The following MYL3 variants were observed in gnomAD, a reference collection of about 807,000 sequenced individuals.
The protein encoded by MYL3 is myosin light chain 3.
MYL3 carries 11 observed loss-of-function variants against 21.3 expected under a neutral mutation model. The ratio of observed to expected loss-of-function variants is 0.52; its 90% CI spans 0.32 to 0.85. The LOEUF is 0.85. MYL3 is among the 40% of genes least tolerant of loss of function. MYL3 has a pLI of 0.03. For missense variants in MYL3, 206 were observed against 253.3 expected, an observed-to-expected ratio of 0.81 and a Z score of 1.27; for synonymous variants, 88 against 91.6, an observed-to-expected ratio of 0.96 and a Z score of 0.22.
chr3:46,858,321 A>G, intron 5 of MYL3, 49 bp from the exon 6 acceptor site: 3 of 1,614,106 alleles, frequency 1.9e-6, no homozygotes, highest in Non-Finnish European at 1.7e-6. Context: ...TGGGGAAGCC[A>G]TGGCTGGGAG....
chr3:46,870,965 G>A (rs1308553289), intron 1 of MYL3, among the ~76,000 whole-genome samples: 2 of 152,190 alleles, frequency 1.3e-5, no homozygotes, highest in African/African-American at 4.8e-5. Context: ...ATATCCTCAT[G>A]CTTCATAGAA....
upstream of MYL3, among the ~76,000 whole-genome samples, chr3:46,864,287 G>C (rs1205011758): frequency 6.6e-6 from 1 of 152,020 alleles, no homozygotes; most frequent in African/African-American, 2.4e-5. This position sits in a 1 kb window ranked among gnomAD's most constrained non-coding sequence, Gnocchi z 4.7. Context: ...TGTAGCCCTG[G>C]CTATGGGTCC....
intron 1 of MYL3, among the ~76,000 whole-genome samples, chr3:46,878,043 C>G (rs1013676818): frequency 6.6e-6 from 1 of 152,240 alleles, no homozygotes; most frequent in East Asian, 1.9e-4. Flanking sequence ...ACAGAAAGCC[C>G]ATACCTCTAG....
chr3:46,865,286 GT>G, upstream of MYL3, among the ~76,000 whole-genome samples: 3 of 151,212 alleles, frequency 2.0e-5, no homozygotes, highest in East Asian at 5.9e-4. This position sits in a 1 kb window ranked among gnomAD's most constrained non-coding sequence, Gnocchi z 4.3. Flanking sequence ...GGGGGGGCAA[GT>G]TTTTCACTTT....
At chr3:46,866,973 C>A (rs1702052662), upstream of MYL3, among the ~76,000 whole-genome samples, 1 of 152,192 alleles carries the variant, frequency 6.6e-6, no homozygotes, top group African/African-American at 2.4e-5. Flanking sequence ...TGAACTCAAA[C>A]CCCAGAACCC....
Position 46,869,056 on chromosome 3 carries a change from CAGCCCTG to C in MYL3, c.-217-2463_-217-2457del, listed in dbSNP as rs552235384. Among the ~76,000 whole-genome samples the C allele has an allele frequency of 2.9e-3, 448 of 152,188 alleles. 1 individual carries two copies. The highest frequency in any genetic ancestry group is 4.9e-3 in the Non-Finnish European group (333 of 67,986). ...GGGTCAGGAGGAATGGAGCAAGATG[CAGCCCTG>C]AGCCCCAGCTCCCCAGCTCTGCCTG... On this transcript the variant is annotated intron_variant, in intron 1 of 3. Transcript: ENST00000431168.
At chr3:46,878,392 C>CA (rs2030361260) in intron 1 of MYL3, among the ~76,000 whole-genome samples, 1 of 152,180 alleles carries the variant, frequency 6.6e-6, no homozygotes, top group Admixed American at 6.5e-5. Context: ...TGGGTGGAGG[C>CA]ACAACCTGGG....
At chr3:46,872,449 C>T (rs558378417) in intron 1 of MYL3, among the ~76,000 whole-genome samples, 2 of 152,006 alleles carry the variant, frequency 1.3e-5, no homozygotes, top group African/African-American at 4.8e-5. Flanking sequence ...AAGACCCCCC[C>T]CCTCAGCCCA....
rs1381263798 is a variant in MYL3 at position 46,859,962 on chromosome 3, G to A, written c.308-314C>T. ...TTTGGGAAACAGTCCTCCCCTCGTG[G>A]CATTTTCTTATAGACCTCACCCTCC... On this transcript the variant is annotated intron_variant, in intron 3 of 6. Transcript: ENST00000292327. The surrounding 1 kb of genome is among the most constrained non-coding windows in gnomAD (Gnocchi z 4.1). 6.6e-6 allele frequency among the ~76,000 whole-genome samples: 1 copy of A among 152,086 alleles called. No homozygotes were observed. Among genetic ancestry groups the A allele is most frequent in the Non-Finnish European group, 1.5e-5 (1 of 68,024 alleles).
rs754068239 is a variant in MYL3 at position 46,860,638 on chromosome 3, G to A, written c.307+38C>T. The A allele has an allele frequency of 4.3e-6, 7 of 1,609,362 alleles. No individual in the cohort carries two copies. In the South Asian group the frequency reaches 7.7e-5, roughly 18 times the overall value. The stretch of plus-strand genomic sequence containing the variant: ...GCAGCCCACCCAGCCAGTCTCCCCG[G>A]TACTAACACTATGGGGGCTCTCGGG... On this transcript the variant is annotated intron_variant, in intron 3 of 6. Coordinates refer to ENST00000292327, the MANE Select transcript of MYL3 (RefSeq NM_000258.3). This position sits in a 1 kb window ranked among gnomAD's most constrained non-coding sequence, Gnocchi z 4.6.
At chr3:46,868,660 G>A (rs1413692018) in intron 1 of MYL3, among the ~76,000 whole-genome samples, 1 of 152,166 alleles carries the variant, frequency 6.6e-6, no homozygotes, top group African/African-American at 2.4e-5. Context: ...TGGGCAGGCA[G>A]AAGCCTCTAG....
At chr3:46,863,010 C>T (rs914917486) in intron 1 of MYL3, among the ~76,000 whole-genome samples, 2 of 152,236 alleles carry the variant, frequency 1.3e-5, no homozygotes, top group African/African-American at 4.8e-5. Flanking sequence ...AGTCCAGACT[C>T]AAACCCCAGT....
chr3:46,867,759 C>T (rs561502808), upstream of MYL3, among the ~76,000 whole-genome samples: 205 of 152,354 alleles, frequency 1.3e-3, no homozygotes, highest in African/African-American at 4.5e-3. Flanking sequence ...AGACCCAGAG[C>T]CTTAGAAGTA....
chr3:46,876,736 C>G (rs2030241359), intron 1 of MYL3, among the ~76,000 whole-genome samples: 1 of 152,180 alleles, frequency 6.6e-6, no homozygotes, highest in African/African-American at 2.4e-5. Flanking sequence ...ATGCAGGGCA[C>G]TGGGGGCTAC....
At chr3:46,870,289 G>C (rs781164137) in intron 1 of MYL3, among the ~76,000 whole-genome samples, 6 of 152,140 alleles carry the variant, frequency 3.9e-5, no homozygotes, top group African/African-American at 9.7e-5. Context: ...CAAGGAGAGA[G>C]GGTGGGCATG....
chr3:46,867,417 G>T (rs150899370), upstream of MYL3, among the ~76,000 whole-genome samples: 221 of 152,356 alleles, frequency 1.5e-3, no homozygotes, highest in African/African-American at 4.8e-3. Flanking sequence ...TGGCAACAGC[G>T]GGGGTAGCTG....
Position 46,860,847 on chromosome 3 carries a change from C to T in MYL3, c.158-22G>A. The T allele has an allele frequency of 6.2e-7, 1 of 1,614,064 alleles. No individual in the cohort carries two copies. Among genetic ancestry groups the T allele is most frequent in the Non-Finnish European group, 8.5e-7 (1 of 1,179,996 alleles). ...AACTCTGCCAGGAGAGGGCAGTGAG[C>T]CACAGACACTCCCAGGGTCAGCCTA... On this transcript the variant is annotated intron_variant, in intron 2 of 6. Coordinates refer to ENST00000292327, the MANE Select transcript of MYL3 (RefSeq NM_000258.3). This position sits in a 1 kb window ranked among gnomAD's most constrained non-coding sequence, Gnocchi z 4.6.
In MYL3 at chr3:46,860,581, A is replaced by G. The variant is rs1428107106; in HGVS notation, c.307+95T>C. The G allele has an allele frequency of 6.5e-7, 1 of 1,550,256 alleles. No individual in the cohort carries two copies. Among genetic ancestry groups the G allele is most frequent in the Non-Finnish European group, 8.7e-7 (1 of 1,144,712 alleles). Reference sequence around the variant, plus strand: ...CATCGGGACAATGCGAGATGTCAGGAAAGATTCTCGTGCTATCCCGCAGGA... The same window carrying G: ...CATCGGGACAATGCGAGATGTCAGGGAAGATTCTCGTGCTATCCCGCAGGA... On this transcript the variant is annotated intron_variant, in intron 3 of 6. Coordinates refer to ENST00000292327, the MANE Select transcript of MYL3 (RefSeq NM_000258.3). This position sits in a 1 kb window ranked among gnomAD's most constrained non-coding sequence, Gnocchi z 4.6.
chr3:46,876,320 G>A (rs552656135), intron 1 of MYL3, among the ~76,000 whole-genome samples: 1 of 152,332 alleles, frequency 6.6e-6, no homozygotes, highest in East Asian at 1.9e-4. Context: ...GGCTCTGGCA[G>A]TCAAGAGCCA....
Sources: allele counts gnomAD v4.1 joint callset (sites outside exome capture counted in the v4.1 genomes callset), GRCh38; gene constraint gnomAD v4.1.1; non-coding constraint Gnocchi (gnomAD v3.1); transcripts MANE v1.5; gene names NCBI Gene and HGNC (gene_info 2026-07-23, HGNC 2026-07-21).